The following ZNF609 variants were observed in gnomAD, a reference collection of about 807,000 sequenced individuals.
ZNF609 encodes the protein zinc finger protein 609.
Under a neutral mutation model 109.5 loss-of-function variants are expected in ZNF609, and 11 were observed. The ratio of observed to expected loss-of-function variants is 0.10; its 90% CI spans 0.06 to 0.17. The LOEUF (loss-of-function observed/expected upper bound fraction) is 0.17, where lower values mean the gene tolerates loss of function less well. Among genes scored for constraint, ZNF609 ranks in the 10% least tolerant of loss-of-function variants. The pLI, the probability that ZNF609 is intolerant of heterozygous loss-of-function variation, is 1.00. For synonymous variants in ZNF609, 646 were observed against 662.0 expected, an observed-to-expected ratio of 0.98 and a Z score of 0.37; for missense variants, 1,559 against 1,772.4, an observed-to-expected ratio of 0.88 and a Z score of 2.16.
chr15:64,631,541 C>CTT, intron 3 of ZNF609: 4 of 581,470 alleles, frequency 6.9e-6, no homozygotes, highest in East Asian at 3.6e-5. Context: ...TCTTTTCTTT[C>CTT]TTTTTTTTTA....
chr15:64,663,836 G>A (rs941771026), intron 3 of ZNF609, among the ~76,000 whole-genome samples: 5 of 152,124 alleles, frequency 3.3e-5, no homozygotes, highest in African/African-American at 1.2e-4. Flanking sequence ...ACTTGGATCA[G>A]CCTTGACTAC....
intron 3 of ZNF609, among the ~76,000 whole-genome samples, chr15:64,635,354 A>G (rs1207156119): frequency 6.6e-6 from 1 of 152,234 alleles, no homozygotes; most frequent in African/African-American, 2.4e-5. Context: ...ATTAATCATT[A>G]GCCCTAACTA....
chr15:64,560,357 TTTTAA>T (rs1449323997), intron 2 of ZNF609, among the ~76,000 whole-genome samples: 1 of 151,764 alleles, frequency 6.6e-6, no homozygotes, highest in Non-Finnish European at 1.5e-5. Flanking sequence ...CTCTCTGGTT[TTTTAA>T]TTTGTTTTTT....
chr15:64,621,091 C>A (rs1895869002), intron 2 of ZNF609, among the ~76,000 whole-genome samples: 1 of 152,180 alleles, frequency 6.6e-6, no homozygotes, highest in South Asian at 2.1e-4. Flanking sequence ...AGGACCTAGA[C>A]TAAGAATTCC....
At chr15:64,497,271 G>A (rs1893494814) in intron 1 of ZNF609, among the ~76,000 whole-genome samples, 1 of 152,020 alleles carries the variant, frequency 6.6e-6, no homozygotes, top group African/African-American at 2.4e-5. Flanking sequence ...GTGGTTGGTT[G>A]CTGTTAACAC....
intron 2 of ZNF609, among the ~76,000 whole-genome samples, chr15:64,570,514 A>G (rs976645032): frequency 6.6e-6 from 1 of 152,176 alleles, no homozygotes; most frequent in African/African-American, 2.4e-5. Flanking sequence ...TTAGTAGATG[A>G]GTCTGGAAAG....
chr15:64,596,076 CA>C (rs1327401333), intron 2 of ZNF609, among the ~76,000 whole-genome samples: 1 of 152,142 alleles, frequency 6.6e-6, no homozygotes, highest in Non-Finnish European at 1.5e-5. Flanking sequence ...CTAGAATCAG[CA>C]GACTTGTTTT....
chr15:64,473,010 A>G (rs533586485), intron 1 of ZNF609, among the ~76,000 whole-genome samples: 1 of 152,166 alleles, frequency 6.6e-6, no homozygotes, highest in East Asian at 1.9e-4. Flanking sequence ...AAGACATGGA[A>G]TTGTAAAGCT....
intron 3 of ZNF609, among the ~76,000 whole-genome samples, chr15:64,668,442 G>A (rs993405990): frequency 7.9e-5 from 12 of 152,144 alleles, no homozygotes; most frequent in African/African-American, 2.7e-4. Context: ...CAGACATGGC[G>A]CTAAAACTGA....
chr15:64,619,565 C>G (rs771458342), intron 2 of ZNF609, among the ~76,000 whole-genome samples: 14 of 152,180 alleles, frequency 9.2e-5, no homozygotes, highest in Non-Finnish European at 1.5e-4. Context: ...ATGAATAGTT[C>G]AAACCCATAG....
intron 2 of ZNF609, among the ~76,000 whole-genome samples, chr15:64,528,380 A>T (rs951861112): frequency 2.1e-4 from 32 of 149,856 alleles, no homozygotes; most frequent in African/African-American, 7.3e-4. Flanking sequence ...TTTTAAAAAA[A>T]TTTATTATTA....
chr15:64,684,668 T>C lies in ZNF609; in HGVS notation c.*2982T>C, dbSNP rs2083230778. On this transcript the variant is annotated 3_prime_UTR_variant, in exon 10 of 10. Transcript: ENST00000326648. ...ATGGTGATTTCTTGAGTCTCTTTTT[T>C]CCACGTTTAAGGGGCCATGGCAGGA... The C allele has an allele frequency of 6.6e-6, 1 of 152,630 alleles. No individual in the cohort carries two copies. The highest frequency in any genetic ancestry group is 2.4e-5 in the African/African-American group (1 of 41,434). 9.5% of individuals were successfully genotyped at this position (152,630 alleles called of 1,614,324 possible).
chr15:64,602,686 A>G (rs1895519330), intron 2 of ZNF609, among the ~76,000 whole-genome samples: 1 of 148,188 alleles, frequency 6.7e-6, no homozygotes, highest in Non-Finnish European at 1.5e-5. Flanking sequence ...GACTTCTATT[A>G]ACTACTGCCC....
intron 2 of ZNF609, among the ~76,000 whole-genome samples, chr15:64,574,055 A>G (rs943125676): frequency 2.6e-5 from 4 of 152,010 alleles, no homozygotes; most frequent in Non-Finnish European, 5.9e-5. Flanking sequence ...CTGCTAAAAA[A>G]CTACCAGCCT....
At chr15:64,571,228 C>T (rs1015429080) in intron 2 of ZNF609, among the ~76,000 whole-genome samples, 2 of 152,130 alleles carry the variant, frequency 1.3e-5, no homozygotes, top group Middle Eastern at 3.4e-3. Context: ...GGTATAGATC[C>T]CTCAGCAGAG....
chr15:64,540,755 C>A (rs952500329), intron 2 of ZNF609, among the ~76,000 whole-genome samples: 2 of 150,990 alleles, frequency 1.3e-5, no homozygotes, highest in South Asian at 4.3e-4. Context: ...TCTGGCTGGG[C>A]GCGGTGGCTC....
intron 2 of ZNF609, among the ~76,000 whole-genome samples, chr15:64,591,385 G>T (rs189020491): frequency 6.6e-6 from 1 of 151,970 alleles, no homozygotes; most frequent in Admixed American, 6.6e-5. Flanking sequence ...CCAAGATCGC[G>T]CCACTGCACT....
intron 3 of ZNF609, among the ~76,000 whole-genome samples, chr15:64,629,300 T>C (rs1473461003): frequency 6.6e-6 from 1 of 152,186 alleles, no homozygotes; most frequent in African/African-American, 2.4e-5. Context: ...ACAATATATT[T>C]TTTCATTTAC....
chr15:64,462,150 T>G (rs903999610), intron 1 of ZNF609, among the ~76,000 whole-genome samples: 1 of 152,182 alleles, frequency 6.6e-6, no homozygotes, highest in African/African-American at 2.4e-5. Context: ...AGACTGGGGC[T>G]TGCCATTGGA....
Sources: allele counts gnomAD v4.1 joint callset (sites outside exome capture counted in the v4.1 genomes callset), GRCh38; gene constraint gnomAD v4.1.1; transcripts MANE v1.5; gene names NCBI Gene and HGNC (gene_info 2026-07-23, HGNC 2026-07-21).